Variants in NR3C1 observed in about 807,000 individuals in gnomAD.
NR3C1 encodes nuclear receptor subfamily 3 group C member 1, also known as glucocorticoid receptor.
Under a neutral mutation model 74.0 loss-of-function variants are expected in NR3C1, and 14 were observed. The ratio of observed to expected loss-of-function variants is 0.19; its 90% confidence interval spans 0.12 to 0.30. NR3C1 has a LOEUF of 0.30. Ranked by LOEUF, NR3C1 falls within the 10% of genes least tolerant of loss-of-function variation. NR3C1 has a pLI of 1.00. For missense variants in NR3C1, 695 were observed against 909.8 expected (o/e 0.76, Z 3.04); for synonymous variants, 308 against 332.5 (o/e 0.93, Z 0.80).
At chr5:143,332,542 C>T (rs970242847) in intron 2 of NR3C1, 3 of 723,676 alleles carry the variant, frequency 4.1e-6, no homozygotes, top group Admixed American at 2.8e-5. Context: ...GCACATGTAC[C>T]CTGGAACTTA....
intron 1 of NR3C1, among the ~76,000 whole-genome samples, chr5:143,430,915 C>A (rs1216609294): frequency 1.3e-5 from 2 of 152,202 alleles, no homozygotes; most frequent in Non-Finnish European, 2.9e-5. Context: ...GCCTTCACTG[C>A]AACCACTAAA....
rs1384559988 is a variant in NR3C1, at chr5:143,278,555, A to G, written c.*3334T>C. The G allele has an allele frequency of 6.6e-6, 1 of 152,160 alleles. No individual in the cohort carries two copies. Among genetic ancestry groups the G allele is most frequent in the African/African-American group, 2.4e-5 (1 of 41,450 alleles). The allele number at this position is 152,160 out of a possible 1,614,324, so 9.4% of individuals were successfully genotyped here. On this transcript the variant is annotated 3_prime_UTR_variant, in exon 9 of 9. Transcript: ENST00000394464. ...TTTAAAGTGTCCTCCTTACACTTTTATTTCCCTTCTGACACTAAAACCAGA... is the reference window on the plus strand; with the variant it reads ...TTTAAAGTGTCCTCCTTACACTTTTGTTTCCCTTCTGACACTAAAACCAGA...
chr5:143,414,409 A>G (rs1384383016), intron 1 of NR3C1, among the ~76,000 whole-genome samples: 2 of 152,210 alleles, frequency 1.3e-5, no homozygotes, highest in Non-Finnish European at 2.9e-5. Flanking sequence ...CAGAACCAGT[A>G]ATAGAAGCAG....
intron 1 of NR3C1, among the ~76,000 whole-genome samples, chr5:143,433,466 A>AATTTATTTATTTAAATTATT (rs1461822676): frequency 7.5e-6 from 1 of 133,798 alleles, no homozygotes; most frequent in Non-Finnish European, 1.6e-5. Flanking sequence ...ATATATATAT[A>AATTTATTTATTTAAATTATT]TATATTTAAT....
chr5:143,431,665 A>C (rs1751832655), intron 1 of NR3C1, among the ~76,000 whole-genome samples: 1 of 152,182 alleles, frequency 6.6e-6, no homozygotes, highest in Non-Finnish European at 1.5e-5. Flanking sequence ...AAGTAAAATA[A>C]AATAAAATAA....
chr5:143,434,062 A>G (rs1004403214), intron 1 of NR3C1, among the ~76,000 whole-genome samples: 3 of 152,178 alleles, frequency 2.0e-5, no homozygotes, highest in African/African-American at 7.2e-5. Flanking sequence ...AGATATTCAC[A>G]TAACTGGCCT....
At chr5:143,334,170 T>C (rs1176188852) in intron 2 of NR3C1, among the ~76,000 whole-genome samples, 3 of 151,984 alleles carry the variant, frequency 2.0e-5, no homozygotes, top group African/African-American at 7.3e-5. Context: ...TCACCTGAGG[T>C]TGGGAGTTCG....
chr5:143,367,426 G>T lies in NR3C1; in HGVS notation c.1184+32230C>A, dbSNP rs1833436572. ...AGCTAGGGCAACTAGGCAAGAAAAA[G>T]AAGTAAAAAATGTCCAGATTGAAAG... On this transcript the variant is annotated intron_variant, in intron 2 of 8. Transcript: ENST00000394464. Among the ~76,000 whole-genome samples, 3 of 152,116 alleles carry T rather than the reference G, an allele frequency of 2.0e-5. No homozygotes were observed. The South Asian group carries it at 6.2e-4, about 32-fold the overall frequency.
intron 2 of NR3C1, among the ~76,000 whole-genome samples, chr5:143,319,802 A>C (rs1008589687): frequency 1.3e-5 from 2 of 152,086 alleles, no homozygotes; most frequent in Non-Finnish European, 2.9e-5. Flanking sequence ...AAAGTGGAAA[A>C]GAAAAAAAAA....
rs772115837 is a variant in NR3C1, at chr5:143,400,874, C to CG, written c.-13-23dup. ...TCAACTACAAAACAAAAAACAAAAA[C>CG]GGGGGGAAAACATCATAAGCTCTAA... On this transcript the variant is annotated intron_variant, in intron 1 of 8. Coordinates refer to ENST00000394464, the MANE Select transcript of NR3C1 (RefSeq NM_000176.3). 4 of 1,565,902 alleles carry CG rather than the reference C, an allele frequency of 2.6e-6. No individual in the cohort carries two copies. In the Admixed American group the frequency reaches 6.8e-5, roughly 26 times the overall value.
intron 4 of NR3C1, among the ~76,000 whole-genome samples, chr5:143,306,362 A>T (rs1275926887): frequency 1.0e-5 from 1 of 99,068 alleles, no homozygotes; most frequent in African/African-American, 3.3e-5. Context: ...GAAGGTTGTT[A>T]AAAAAAAAGT....
chr5:143,322,523 C>G (rs1427746578), intron 2 of NR3C1, among the ~76,000 whole-genome samples: 3 of 152,140 alleles, frequency 2.0e-5, no homozygotes, highest in Admixed American at 2.0e-4. Flanking sequence ...CAGACTAGGT[C>G]AAATAGGTAA....
At chr5:143,293,742 A>C in intron 7 of NR3C1, 1 of 397,962 alleles carries the variant, frequency 2.5e-6, no homozygotes, top group Non-Finnish European at 3.4e-6. Context: ...TCTATATCTT[A>C]AGGTATATAT....
intron 2 of NR3C1, among the ~76,000 whole-genome samples, chr5:143,339,063 A>G (rs902727519): frequency 6.6e-6 from 1 of 152,210 alleles, no homozygotes; most frequent in African/African-American, 2.4e-5. Context: ...GCTATACCAT[A>G]TGGTCCAGGT....
At chr5:143,295,649 C>T (rs1300496390) in intron 6 of NR3C1, 59 bp from the exon 7 acceptor site, 8 of 1,458,816 alleles carry the variant, frequency 5.5e-6, no homozygotes, top group Non-Finnish European at 7.7e-6. Flanking sequence ...CCCCAAAAAG[C>T]ACATTTTTGT....
intron 2 of NR3C1, among the ~76,000 whole-genome samples, chr5:143,370,079 T>C (rs924527583): frequency 6.6e-6 from 1 of 152,200 alleles, no homozygotes; most frequent in African/African-American, 2.4e-5. Flanking sequence ...TCCAGTCCTT[T>C]AGTTTAAGAT....
At chr5:143,352,316 A>G (rs930774800) in intron 2 of NR3C1, among the ~76,000 whole-genome samples, 3 of 152,184 alleles carry the variant, frequency 2.0e-5, no homozygotes, top group Non-Finnish European at 2.9e-5. Context: ...TATATCCCAA[A>G]GAAATAACAG....
At chr5:143,367,319 T>C (rs1178428148) in intron 2 of NR3C1, among the ~76,000 whole-genome samples, 1 of 152,174 alleles carries the variant, frequency 6.6e-6, no homozygotes, top group Non-Finnish European at 1.5e-5. Flanking sequence ...ACACTTAAAC[T>C]GAAAGGTTTC....
upstream of NR3C1, among the ~76,000 whole-genome samples, chr5:143,408,234 A>G: frequency 6.6e-6 from 1 of 152,166 alleles, no homozygotes; most frequent in East Asian, 1.9e-4. Flanking sequence ...TACAGTCTCC[A>G]CCACTAAAAG....
Sources: allele counts gnomAD v4.1 joint callset (sites outside exome capture counted in the v4.1 genomes callset), GRCh38; gene constraint gnomAD v4.1.1; transcripts MANE v1.5; gene names NCBI Gene and HGNC (gene_info 2026-07-23, HGNC 2026-07-21).